ABHD2: variants seen among roughly 807,000 people sequenced by gnomAD.
The protein encoded by ABHD2 is abhydrolase domain containing 2, acylglycerol lipase.
ABHD2 carries 20 observed loss-of-function variants against 48.1 expected under a neutral mutation model. The ratio of observed to expected loss-of-function variants is 0.42; its 90% CI spans 0.29 to 0.60. The LOEUF is 0.60. ABHD2 is among the 20% of genes least tolerant of loss of function. The pLI, the probability that ABHD2 is intolerant of heterozygous loss-of-function variation, is 0.24. For synonymous variants in ABHD2, 209 were observed against 214.2 expected (o/e 0.98, Z 0.21); for missense variants, 405 against 550.9 (o/e 0.74, Z 2.65).
upstream of ABHD2, among the ~76,000 whole-genome samples, chr15:89,084,267 C>T (rs976631195): frequency 2.7e-5 from 4 of 149,922 alleles, no homozygotes; most frequent in Non-Finnish European, 4.4e-5. The surrounding 1 kb of genome is among the most constrained non-coding windows in gnomAD (Gnocchi z 4.4). Flanking sequence ...TAGGAACTGT[C>T]TGTACTTTCC....
chr15:89,063,618 G>C, the ABHD2 span, among the ~76,000 whole-genome samples: 1 of 151,802 alleles, frequency 6.6e-6, no homozygotes, highest in Non-Finnish European at 1.5e-5. Context: ...TATACATACA[G>C]TTTTTTTATT....
chr15:89,140,532 A>G (rs184963160), intron 3 of ABHD2, among the ~76,000 whole-genome samples: 7 of 152,252 alleles, frequency 4.6e-5, no homozygotes, highest in African/African-American at 1.7e-4. Flanking sequence ...GGAGTTACAT[A>G]TGTACATTTA....
At chr15:89,113,555 G>A (rs566044558) in intron 1 of ABHD2, among the ~76,000 whole-genome samples, 170 bp from the exon 2 acceptor site, 6 of 152,302 alleles carry the variant, frequency 3.9e-5, no homozygotes, top group African/African-American at 9.6e-5. Flanking sequence ...AAGCCTTCCC[G>A]CAGCAGGCTT....
Position 89,174,465 on chromosome 15 carries a change from G to A in ABHD2, c.539-1347G>A, listed in dbSNP as rs2050978745. 6.6e-6 allele frequency among the ~76,000 whole-genome samples: 1 copy of A among 152,214 alleles called. No homozygotes were observed. The highest frequency in any genetic ancestry group is 1.5e-5 in the Non-Finnish European group (1 of 68,036). On this transcript the variant is annotated intron_variant, in intron 5 of 10. Coordinates refer to ENST00000352732, the MANE Select transcript of ABHD2 (RefSeq NM_152924.5). The surrounding 1 kb of genome is among the most constrained non-coding windows in gnomAD (Gnocchi z 4.1). ...TCCAGGTGATTCTATGCACACTGCAGCTTAAGAACTGCATGGGGCTGTGCC... is the reference window on the plus strand; with the variant it reads ...TCCAGGTGATTCTATGCACACTGCAACTTAAGAACTGCATGGGGCTGTGCC...
At chr15:89,059,693 C>G in the ABHD2 span, among the ~76,000 whole-genome samples, 1 of 152,110 alleles carries the variant, frequency 6.6e-6, no homozygotes, top group African/African-American at 2.4e-5. Flanking sequence ...GGTTCGAGGG[C>G]AGTAATTGAT....
At chr15:89,069,691 T>G in the ABHD2 span, among the ~76,000 whole-genome samples, 1 of 130,182 alleles carries the variant, frequency 7.7e-6, no homozygotes, top group East Asian at 2.1e-4. Context: ...TTTTTTTTTT[T>G]TTTTTTGAGA....
chr15:89,089,044 G>A (rs1828865497), intron 1 of ABHD2, among the ~76,000 whole-genome samples: 1 of 152,268 alleles, frequency 6.6e-6, no homozygotes, highest in Admixed American at 6.5e-5. Flanking sequence ...TTCTAGAAAG[G>A]CAGCTTTTGA....
At chr15:89,152,925 T>C (rs1026818020) in intron 4 of ABHD2, among the ~76,000 whole-genome samples, 13 of 152,256 alleles carry the variant, frequency 8.5e-5, no homozygotes, top group African/African-American at 3.1e-4. Flanking sequence ...TCTATAGTAT[T>C]CAAAAGCAAC....
chr15:89,074,407 A>C, the ABHD2 span, among the ~76,000 whole-genome samples: 1 of 151,968 alleles, frequency 6.6e-6, no homozygotes, highest in African/African-American at 2.4e-5. Context: ...TGAAGATCTT[A>C]AACAATTCTG....
chr15:89,049,896 G>C, the ABHD2 span, among the ~76,000 whole-genome samples: 1 of 152,070 alleles, frequency 6.6e-6, no homozygotes, highest in Non-Finnish European at 1.5e-5. Context: ...GTTCCTATTC[G>C]GCCATCTTGG....
At chr15:89,125,624 C>A (rs936301435) in intron 3 of ABHD2, among the ~76,000 whole-genome samples, 5 of 152,172 alleles carry the variant, frequency 3.3e-5, no homozygotes, top group African/African-American at 1.2e-4. Flanking sequence ...TTGCTCAGGA[C>A]TGGGGCATGG....
rs1034740444 is a variant in ABHD2, at chr15:89,168,782, G to A, written c.539-7030G>A. ...TGAGTAATGATAGATGGGTCTAAAA[G>A]GAATCAAAGCTGGGTGCAGTGGCTC... On this transcript the variant is annotated intron_variant, in intron 5 of 10. Coordinates refer to ENST00000352732, the MANE Select transcript of ABHD2 (RefSeq NM_152924.5). This position sits in a 1 kb window ranked among gnomAD's most constrained non-coding sequence, Gnocchi z 4.8. Among the ~76,000 whole-genome samples, 6 of 152,130 alleles carry A rather than the reference G, an allele frequency of 3.9e-5. No homozygotes were observed. Among genetic ancestry groups the A allele is most frequent in the African/African-American group, 7.2e-5 (3 of 41,422 alleles).
In ABHD2 at chr15:89,116,691, G is replaced by C. The variant is rs2049966793; in HGVS notation, c.194+170G>C. Among the ~76,000 whole-genome samples, 1 of 152,220 alleles carries C rather than the reference G, an allele frequency of 6.6e-6. No homozygotes were observed. Among genetic ancestry groups the C allele is most frequent in the Non-Finnish European group, 1.5e-5 (1 of 68,042 alleles). ...TGCAGTCTAGTGTTTGAATCCTGGA[G>C]GGTAGGAGAGAATCAGATCTCTGTT... On this transcript the variant is annotated intron_variant, in intron 3 of 10. Transcript: ENST00000352732. The surrounding 1 kb of genome is among the most constrained non-coding windows in gnomAD (Gnocchi z 4.6).
At chr15:89,059,707 C>G in the ABHD2 span, among the ~76,000 whole-genome samples, 3 of 152,130 alleles carry the variant, frequency 2.0e-5, no homozygotes, top group South Asian at 2.1e-4. Context: ...AATTGATCCC[C>G]AGAAATTAGG....
At position 89,193,690 on chromosome 15, in the gene ABHD2, C is replaced by G. The variant is rs146035033; in HGVS notation, c.1081+371C>G. Among the ~76,000 whole-genome samples, 5 of 152,280 alleles carry G rather than the reference C, an allele frequency of 3.3e-5. No homozygotes were observed. The East Asian group carries it at 9.6e-4, about 29-fold the overall frequency. On this transcript the variant is annotated intron_variant, in intron 10 of 10. Coordinates refer to ENST00000352732, the MANE Select transcript of ABHD2 (RefSeq NM_152924.5). ...CGAGACTAGGTGTGTTGGCTCACACCTGTAATCCTAGCACTTTGTGAGGCT... is the reference window on the plus strand; with the variant it reads ...CGAGACTAGGTGTGTTGGCTCACACGTGTAATCCTAGCACTTTGTGAGGCT...
intron 6 of ABHD2, among the ~76,000 whole-genome samples, chr15:89,181,528 G>A (rs2051115044): frequency 1.3e-5 from 2 of 151,530 alleles, no homozygotes; most frequent in South Asian, 4.2e-4. Context: ...TCCCTTTTTG[G>A]GGTGTTAAGG....
At chr15:89,163,341 G>T (rs1358056589) in intron 5 of ABHD2, among the ~76,000 whole-genome samples, 1 of 152,220 alleles carries the variant, frequency 6.6e-6, no homozygotes, top group Non-Finnish European at 1.5e-5. Context: ...AAGCATTCTT[G>T]TGACTTAGAA....
chr15:89,059,549 A>G, the ABHD2 span, among the ~76,000 whole-genome samples: 2 of 152,030 alleles, frequency 1.3e-5, no homozygotes, highest in African/African-American at 4.8e-5. Context: ...ATGAAATGAA[A>G]GGGGAAAAAA....
chr15:89,132,083 T>C (rs374282947), intron 3 of ABHD2, among the ~76,000 whole-genome samples: 2 of 151,972 alleles, frequency 1.3e-5, no homozygotes, highest in African/African-American at 4.8e-5. Context: ...AAACAAAATA[T>C]GTAAAGATGT....
Sources: allele counts gnomAD v4.1 joint callset (sites outside exome capture counted in the v4.1 genomes callset), GRCh38; gene constraint gnomAD v4.1.1; non-coding constraint Gnocchi (gnomAD v3.1); transcripts MANE v1.5; gene names NCBI Gene and HGNC (gene_info 2026-07-23, HGNC 2026-07-21).